MGAT4C: variants seen among roughly 807,000 people sequenced by gnomAD.
The protein encoded by MGAT4C is alpha-1,3-mannosyl-glycoprotein 4-beta-N-acetylglucosaminyltransferase C.
A neutral mutation model predicts 40.1 loss-of-function variants in MGAT4C; 19 were observed. That is an observed-to-expected ratio of 0.47 (90% CI 0.33 to 0.70). MGAT4C has a LOEUF of 0.70. Ranked by LOEUF, MGAT4C falls within the 30% of genes least tolerant of loss-of-function variation. The pLI, the probability that MGAT4C is intolerant of heterozygous loss-of-function variation, is 0.02. For missense variants in MGAT4C, 491 were observed against 563.2 expected, an observed-to-expected ratio of 0.87 and a Z score of 1.30; for synonymous variants, 181 against 187.1, an observed-to-expected ratio of 0.97 and a Z score of 0.27.
At chr12:86,430,715 G>A (rs1957020161) in intron 3 of MGAT4C, among the ~76,000 whole-genome samples, 1 of 152,152 alleles carries the variant, frequency 6.6e-6, no homozygotes, top group Non-Finnish European at 1.5e-5. Context: ...GTTAGGTGGA[G>A]TCATTACTCT....
chr12:86,254,055 A>G (rs1406220926), intron 1 of MGAT4C, among the ~76,000 whole-genome samples: 1 of 151,890 alleles, frequency 6.6e-6, no homozygotes, highest in East Asian at 1.9e-4. Flanking sequence ...TGGTTACATA[A>G]GTCAGACAAA....
rs1009256615 is a variant in MGAT4C at position 86,333,791 on chromosome 12, G to A, written c.-57+274C>T. 2.0e-5 allele frequency among the ~76,000 whole-genome samples: 3 copies of A among 152,192 alleles called. No homozygotes were observed. The South Asian group carries it at 6.2e-4, about 32-fold the overall frequency. On this transcript the variant is annotated intron_variant, in intron 4 of 7. Transcript: ENST00000548651. ...CACTTTATCAACCATAAATACATTG[G>A]AATAGCAAAACCATGTAAAACCATA...
intron 1 of MGAT4C, among the ~76,000 whole-genome samples, chr12:86,177,001 A>C (rs1164304167): frequency 9.2e-5 from 14 of 151,806 alleles, no homozygotes; most frequent in Non-Finnish European, 1.5e-5. Context: ...ACAGTGAAGA[A>C]GCAGGTCAGT....
chr12:86,423,390 A>T (rs1336440928), intron 3 of MGAT4C, among the ~76,000 whole-genome samples: 2 of 150,618 alleles, frequency 1.3e-5, no homozygotes, highest in African/African-American at 5.0e-5. Context: ...CCATTTAAAT[A>T]AAAAAAATTA....
rs113683745 is a variant in MGAT4C at position 86,437,334 on chromosome 12, C to T, written c.-228-2069G>A. On this transcript the variant is annotated intron_variant, in intron 2 of 7. Coordinates refer to the MGAT4C transcript ENST00000548651. The stretch of plus-strand genomic sequence containing the variant: ...CATATACAAATAGTCATATTAAGGT[C>T]TTGATTAGATAATGAGGTTTGGAAC... 3.2e-3 allele frequency among the ~76,000 whole-genome samples: 489 copies of T among 151,614 alleles called. 1 individual carries two copies. Among genetic ancestry groups the T allele is most frequent in the African/African-American group, 0.011 (474 of 41,394 alleles).
chr12:86,024,251 T>C (rs1271068483), intron 2 of MGAT4C, among the ~76,000 whole-genome samples: 3 of 151,816 alleles, frequency 2.0e-5, no homozygotes, highest in Admixed American at 2.0e-4. Context: ...AGAATGATGG[T>C]TCTACTTTTG....
intron 1 of MGAT4C, among the ~76,000 whole-genome samples, chr12:86,785,630 G>A (rs530478171): frequency 6.6e-6 from 1 of 151,754 alleles, no homozygotes; most frequent in South Asian, 2.1e-4. Context: ...ATAAAATACA[G>A]TTTCACTATG....
At chr12:86,344,299 G>A (rs769566185) in intron 3 of MGAT4C, among the ~76,000 whole-genome samples, 2 of 152,148 alleles carry the variant, frequency 1.3e-5, no homozygotes, top group Non-Finnish European at 2.9e-5. Flanking sequence ...TTTTATATTT[G>A]TGCTTACTTT....
At chr12:86,191,083 GCACACACACACACACACACACACACA>G (rs56357601) in intron 1 of MGAT4C, among the ~76,000 whole-genome samples, 1,497 of 138,466 alleles carry the variant, frequency 0.011, 27 homozygotes, top group African/African-American at 0.037. Context: ...CTCTCTCTCT[GCACACACACACACACACACACACACA>G]CACACACACA....
intron 3 of MGAT4C, among the ~76,000 whole-genome samples, chr12:86,352,340 T>G (rs2136192810): frequency 6.6e-6 from 1 of 152,218 alleles, no homozygotes; most frequent in African/African-American, 2.4e-5. Flanking sequence ...TTAGTTCAAT[T>G]ATTTAGTATG....
rs139072531 is a variant in MGAT4C, at chr12:86,605,847, G to T, written c.-229+121362C>A. ...TGAGATCACAGTTTATAGGCTAAGA[G>T]AAAATGCAAATGTAGCAGGCATAGG... On this transcript the variant is annotated intron_variant, in intron 2 of 7. Transcript: ENST00000548651. 3.1e-3 allele frequency among the ~76,000 whole-genome samples: 473 copies of T among 152,204 alleles called. 1 individual carries two copies. Among genetic ancestry groups the T allele is most frequent in the African/African-American group, 0.011 (446 of 41,528 alleles).
chr12:86,325,917 C>A (rs1954516810), intron 4 of MGAT4C, among the ~76,000 whole-genome samples: 1 of 151,870 alleles, frequency 6.6e-6, no homozygotes, highest in Non-Finnish European at 1.5e-5. Flanking sequence ...ACACAGGGTT[C>A]CCTATACAGT....
At chr12:86,807,409 G>A (rs1283049090) in intron 1 of MGAT4C, among the ~76,000 whole-genome samples, 18 of 151,960 alleles carry the variant, frequency 1.2e-4, no homozygotes. Flanking sequence ...GGTTTGCTGA[G>A]GATAATGGCT....
At chr12:86,114,534 A>G (rs137942027) in intron 1 of MGAT4C, among the ~76,000 whole-genome samples, 18 of 152,092 alleles carry the variant, frequency 1.2e-4, no homozygotes, top group African/African-American at 4.3e-4. Context: ...CAAAATGAAA[A>G]GCAATAAAAA....
chr12:86,179,795 T>C (rs1887906976), intron 1 of MGAT4C, among the ~76,000 whole-genome samples: 1 of 152,174 alleles, frequency 6.6e-6, no homozygotes, highest in South Asian at 2.1e-4. Context: ...GCATTCCATT[T>C]TAAAAGGGAA....
At chr12:86,730,892 T>C (rs2136119819) in intron 1 of MGAT4C, among the ~76,000 whole-genome samples, 1 of 152,252 alleles carries the variant, frequency 6.6e-6, no homozygotes, top group East Asian at 1.9e-4. Context: ...TGCTTATTCT[T>C]CAGATGTGTT....
intron 2 of MGAT4C, among the ~76,000 whole-genome samples, chr12:86,662,260 C>T (rs886538621): frequency 2.6e-5 from 4 of 152,066 alleles, no homozygotes; most frequent in African/African-American, 9.7e-5. Flanking sequence ...AATACAATCA[C>T]AAAATTATAT....
At chr12:86,770,811 G>A (rs912588504) in intron 1 of MGAT4C, among the ~76,000 whole-genome samples, 2 of 152,086 alleles carry the variant, frequency 1.3e-5, no homozygotes, top group Admixed American at 6.6e-5. Context: ...GGAATTAAGT[G>A]TATAAATTTT....
At chr12:86,191,751 G>GGTGTGTGT (rs570173863) in intron 1 of MGAT4C, among the ~76,000 whole-genome samples, 11,471 of 98,432 alleles carry the variant, frequency 0.12, 834 homozygotes, top group African/African-American at 0.14. Context: ...AGGAGATAAA[G>GGTGTGTGT]GTGTGTGTGT....
Sources: allele counts gnomAD v4.1 joint callset (sites outside exome capture counted in the v4.1 genomes callset), GRCh38; gene constraint gnomAD v4.1.1; transcripts MANE v1.5; gene names NCBI Gene and HGNC (gene_info 2026-07-23, HGNC 2026-07-21).